ZNF423: variants seen among roughly 807,000 people sequenced by gnomAD.
ZNF423 encodes Ebf-associated zinc finger protein.
ZNF423 carries 12 observed loss-of-function variants against 95.8 expected under a neutral mutation model. The ratio of observed to expected loss-of-function variants is 0.13; its 90% confidence interval spans 0.08 to 0.20. The LOEUF (loss-of-function observed/expected upper bound fraction) is 0.20. Among genes scored for constraint, ZNF423 ranks in the 10% least tolerant of loss-of-function variants. The pLI is 1.00. For missense variants in ZNF423, 1,316 were observed against 1,737.1 expected, an observed-to-expected ratio of 0.76 and a Z score of 4.31; for synonymous variants, 749 against 711.9, an observed-to-expected ratio of 1.05 and a Z score of -0.83.
intron 2 of ZNF423, among the ~76,000 whole-genome samples, chr16:49,759,292 G>A (rs1413699294): frequency 1.3e-5 from 2 of 152,094 alleles, no homozygotes; most frequent in African/African-American, 4.8e-5. Context: ...CCAGCTACTC[G>A]GGAGGCTGGG....
chr16:49,712,644 G>A (rs1371288526), intron 3 of ZNF423, among the ~76,000 whole-genome samples: 4 of 152,214 alleles, frequency 2.6e-5, no homozygotes, highest in East Asian at 1.9e-4. Context: ...TGTCAGGGAC[G>A]GCTGAACCTC....
At chr16:49,778,361 G>GT (rs2034154733) in intron 2 of ZNF423, among the ~76,000 whole-genome samples, 2 of 152,218 alleles carry the variant, frequency 1.3e-5, no homozygotes, top group Admixed American at 1.3e-4. Flanking sequence ...TGTCCACCCA[G>GT]GAAGCCAACA....
At chr16:49,713,890 C>G (rs1442010590) in intron 3 of ZNF423, among the ~76,000 whole-genome samples, 1 of 152,186 alleles carries the variant, frequency 6.6e-6, no homozygotes, top group Non-Finnish European at 1.5e-5. Flanking sequence ...CTCACTCCCC[C>G]GCTGCCAGGG....
rs1966882969 is a variant in ZNF423, at chr16:49,489,058, T to C, written c.*2217A>G. ...CTTCGCTGCTGATTCCCACATGGCG[T>C]GAAAAGCTCTTAAACCCCCCGCTGT... On this transcript the variant is annotated 3_prime_UTR_variant, in exon 8 of 8. Coordinates refer to ENST00000563137, the MANE Select transcript of ZNF423 (RefSeq NM_001379286.1). 1 of 152,190 alleles carries C rather than the reference T, an allele frequency of 6.6e-6. No homozygotes were observed. Among genetic ancestry groups the C allele is most frequent in the Admixed American group, 6.5e-5 (1 of 15,270 alleles). The allele number at this position is 152,190 out of a possible 1,614,324, so 9.4% of individuals were successfully genotyped here.
Position 49,635,310 on chromosome 16 carries a change from G to A in ZNF423, c.3516+350C>T, listed in dbSNP as rs532897013. Reference sequence around the variant, plus strand: ...ACAAAGACACAAGCCACCACCCATGGTGCCCTCACTGTGCATCAGCCACTG... The same window carrying A: ...ACAAAGACACAAGCCACCACCCATGATGCCCTCACTGTGCATCAGCCACTG... On this transcript the variant is annotated intron_variant, in intron 4 of 7. Transcript: ENST00000563137. The surrounding 1 kb of genome is among the most constrained non-coding windows in gnomAD (Gnocchi z 4.8). Among the ~76,000 whole-genome samples, 43 of 152,340 alleles carry A rather than the reference G, an allele frequency of 2.8e-4. No homozygotes were observed. Among genetic ancestry groups the A allele is most frequent in the Non-Finnish European group, 5.6e-4 (38 of 68,040 alleles).
rs915077890 is a variant in ZNF423 at position 49,491,029 on chromosome 16, G to A, written c.*246C>T. 1.9e-5 allele frequency: 10 copies of A among 516,402 alleles called. No homozygotes were observed. Among genetic ancestry groups the A allele is most frequent in the East Asian group, 5.7e-5 (2 of 34,970 alleles). 32.0% of individuals were successfully genotyped at this position (516,402 alleles called of 1,614,324 possible). A position where few individuals can be genotyped will look rare whatever the true frequency, so the allele number is the denominator to read the frequency against. On this transcript the variant is annotated 3_prime_UTR_variant, in exon 8 of 8. Coordinates refer to ENST00000563137, the MANE Select transcript of ZNF423 (RefSeq NM_001379286.1). ...CTCTAACTCTAGAAATGTAGTCTGC[G>A]GCGGAAAGTCTAAAAGCACACTAGC...
chr16:49,599,876 G>A (rs780307695), intron 5 of ZNF423, among the ~76,000 whole-genome samples: 1 of 152,214 alleles, frequency 6.6e-6, no homozygotes, highest in Non-Finnish European at 1.5e-5. Flanking sequence ...GTATCAGCTA[G>A]AAGGAAGCCT....
At chr16:49,811,129 G>A (rs890339617) in intron 1 of ZNF423, among the ~76,000 whole-genome samples, 4 of 152,146 alleles carry the variant, frequency 2.6e-5, no homozygotes, top group African/African-American at 9.7e-5. Context: ...GTCAAACCGG[G>A]ACCAACCAGT....
upstream of ZNF423, among the ~76,000 whole-genome samples, chr16:49,857,014 C>A (rs1597068933): frequency 6.7e-6 from 1 of 149,410 alleles, no homozygotes; most frequent in Non-Finnish European, 1.5e-5. The surrounding 1 kb of genome is among the most constrained non-coding windows in gnomAD (Gnocchi z 6.2). Context: ...CCGGCCCGCC[C>A]GCCAGCCTCC....
intron 1 of ZNF423, among the ~76,000 whole-genome samples, chr16:49,816,580 G>A (rs2034859129): frequency 6.6e-6 from 1 of 152,076 alleles, no homozygotes; most frequent in African/African-American, 2.4e-5. Flanking sequence ...CTGAGCCCAG[G>A]AGTTGCCAGC....
chr16:49,543,401 C>G (rs935809963), intron 5 of ZNF423, among the ~76,000 whole-genome samples: 1 of 152,162 alleles, frequency 6.6e-6, no homozygotes, highest in African/African-American at 2.4e-5. Context: ...CCACTCCCCA[C>G]CACAGCCCCC....
At chr16:49,534,201 A>G (rs1968968361) in intron 5 of ZNF423, among the ~76,000 whole-genome samples, 1 of 152,066 alleles carries the variant, frequency 6.6e-6, no homozygotes, top group Non-Finnish European at 1.5e-5. Context: ...TCATAATGCT[A>G]CCACCACAAC....
At position 49,687,291 on chromosome 16, in the gene ZNF423, A is replaced by G. The variant is rs2031602022; in HGVS notation, c.301+43480T>C. ...GGAACAATTAGGAAAAACTCCCTCCAGGTTATATTTAGGAAGGGGTGGAAG... is the reference window on the plus strand; with the variant it reads ...GGAACAATTAGGAAAAACTCCCTCCGGGTTATATTTAGGAAGGGGTGGAAG... On this transcript the variant is annotated intron_variant, in intron 3 of 7. Coordinates refer to ENST00000563137, the MANE Select transcript of ZNF423 (RefSeq NM_001379286.1). Among the ~76,000 whole-genome samples the G allele has an allele frequency of 5.3e-5, 8 of 151,876 alleles. No homozygotes were observed. The South Asian group carries it at 1.7e-3, about 32-fold the overall frequency.
chr16:49,594,342 C>A (rs1971114911), intron 5 of ZNF423, among the ~76,000 whole-genome samples: 1 of 152,104 alleles, frequency 6.6e-6, no homozygotes, highest in African/African-American at 2.4e-5. Flanking sequence ...ATGGCCACAC[C>A]CTTGCGGTAA....
In ZNF423 at chr16:49,856,096, G is replaced by A. The variant is rs1369972341; in HGVS notation, c.-322C>T. ...GGCGCGGGGAGTCCGGAGGCCACTC[G>A]GCCGAGCCGAGTTATGCAAAAAAAA... is the stretch of plus-strand genomic sequence containing the variant. On this transcript the variant is annotated 5_prime_UTR_variant, in exon 1 of 8. Transcript: ENST00000563137. 2 of 120,766 alleles carry A rather than the reference G, an allele frequency of 1.7e-5. No homozygotes were observed. Among genetic ancestry groups the A allele is most frequent in the Non-Finnish European group, 3.2e-5 (2 of 61,922 alleles). The allele number at this position is 120,766 out of a possible 1,614,324, so 7.5% of individuals were successfully genotyped here.
intron 3 of ZNF423, among the ~76,000 whole-genome samples, chr16:49,709,166 G>GTTTTTATATATATA (rs1555475501): frequency 8.3e-6 from 1 of 120,010 alleles, no homozygotes; most frequent in Non-Finnish European, 1.7e-5. Flanking sequence ...TTCAGCAGCC[G>GTTTTTATATATATA]TTTATATATA....
chr16:49,750,555 A>G (rs1007087329), intron 2 of ZNF423, among the ~76,000 whole-genome samples: 6 of 152,292 alleles, frequency 3.9e-5, no homozygotes, highest in African/African-American at 1.4e-4. Context: ...TCTCCAGAAG[A>G]GAGGCGCAGG....
chr16:49,792,621 T>C (rs2034434334), intron 1 of ZNF423, among the ~76,000 whole-genome samples: 1 of 152,192 alleles, frequency 6.6e-6, no homozygotes, highest in Non-Finnish European at 1.5e-5. Flanking sequence ...GTTAATGCGT[T>C]TTCCTACAAC....
chr16:49,677,600 T>C (rs866830587), intron 3 of ZNF423, among the ~76,000 whole-genome samples: 1 of 151,590 alleles, frequency 6.6e-6, no homozygotes, highest in African/African-American at 2.4e-5. Context: ...GCATGGGCAA[T>C]GCAGTGAGAC....
Sources: allele counts gnomAD v4.1 joint callset (sites outside exome capture counted in the v4.1 genomes callset), GRCh38; gene constraint gnomAD v4.1.1; non-coding constraint Gnocchi (gnomAD v3.1); transcripts MANE v1.5; gene names NCBI Gene and HGNC (gene_info 2026-07-23, HGNC 2026-07-21).